DHRSX: variants seen among roughly 807,000 people sequenced by gnomAD.
The protein encoded by DHRSX is polyprenol dehydrogenase.
In DHRSX, 31 loss-of-function variants were observed where a neutral mutation model predicts 34.0. The observed-to-expected ratio is 0.91, with a 90% confidence interval of 0.69 to 1.23. The LOEUF (loss-of-function observed/expected upper bound fraction) is 1.23. Ranked by LOEUF, DHRSX falls within the 50% of genes most tolerant of loss-of-function variation. DHRSX has a pLI of 0.00. For missense variants in DHRSX, 414 were observed against 428.1 expected (o/e 0.97, Z 0.29); for synonymous variants, 201 against 183.8 (o/e 1.09, Z -0.76).
chrX:2,368,839 G>A (rs1349608434), intron 3 of DHRSX, among the ~76,000 whole-genome samples: 5 of 152,134 alleles, frequency 3.3e-5, no homozygotes, highest in Non-Finnish European at 5.9e-5. Context: ...AACAGAACAA[G>A]ACTCTGTCTC....
intron 1 of DHRSX, among the ~76,000 whole-genome samples, chrX:2,442,547 G>A (rs893972151): frequency 2.7e-4 from 41 of 151,960 alleles, no homozygotes; most frequent in African/African-American, 8.4e-4. Flanking sequence ...GGCCATCAGC[G>A]TCACGCCTAG....
intron 3 of DHRSX, chrX:2,334,720 G>A (rs1399399082): frequency 6.6e-6 from 1 of 152,156 alleles, no homozygotes; most frequent in African/African-American, 2.4e-5. Flanking sequence ...AAAGCATTGC[G>A]ATTATGGGTG....
At chrX:2,288,757 G>A (rs774093846) in intron 4 of DHRSX, among the ~76,000 whole-genome samples, 3 of 152,314 alleles carry the variant, frequency 2.0e-5, no homozygotes, top group South Asian at 4.1e-4. Context: ...CCCAATATGT[G>A]CATGAGATTT....
intron 2 of DHRSX, among the ~76,000 whole-genome samples, chrX:2,420,878 C>T (rs972683823): frequency 6.6e-6 from 1 of 152,142 alleles, no homozygotes; most frequent in African/African-American, 2.4e-5. Context: ...CGAAGCTCAA[C>T]AAGTCATTAA....
intron 1 of DHRSX, among the ~76,000 whole-genome samples, chrX:2,476,818 A>G (rs1281410806): frequency 6.6e-6 from 1 of 152,108 alleles, no homozygotes; most frequent in Non-Finnish European, 1.5e-5. Context: ...AGCCTGGCCA[A>G]CATGGAAAAA....
At chrX:2,349,784 G>A (rs1297496969) in intron 3 of DHRSX, among the ~76,000 whole-genome samples, 3 of 152,052 alleles carry the variant, frequency 2.0e-5, no homozygotes, top group African/African-American at 4.8e-5. Flanking sequence ...GCTCACGCCT[G>A]TAATTCCAGC....
intron 1 of DHRSX, chrX:2,490,854 C>G: frequency 2.3e-6 from 3 of 1,289,618 alleles, no homozygotes; most frequent in Non-Finnish European, 3.2e-6. Flanking sequence ...GACAGGGTGC[C>G]GGGGCAGCTC....
chrX:2,221,272 G>T, intron 6 of DHRSX, 43 bp from the exon 7 acceptor site: 1 of 1,591,664 alleles, frequency 6.3e-7, no homozygotes, highest in Non-Finnish European at 8.6e-7. Context: ...TCAAATTTCT[G>T]AGCAGGAAAC....
chrX:2,257,781 G>A (rs1417959678), intron 5 of DHRSX, among the ~76,000 whole-genome samples: 1 of 151,968 alleles, frequency 6.6e-6, no homozygotes, highest in Non-Finnish European at 1.5e-5. Context: ...ACCTGCCATG[G>A]CGCTTGGCTA....
intron 3 of DHRSX, among the ~76,000 whole-genome samples, chrX:2,315,093 G>C (rs1019351416): frequency 9.9e-5 from 15 of 152,164 alleles, no homozygotes; most frequent in South Asian, 2.1e-4. Context: ...GGGAGGTGGA[G>C]GTTGCGGTGA....
intron 3 of DHRSX, among the ~76,000 whole-genome samples, chrX:2,401,991 G>A (rs1465241151): frequency 6.6e-6 from 1 of 152,154 alleles, no homozygotes; most frequent in Admixed American, 6.5e-5. Context: ...TCTCAGAGGA[G>A]CACGACTTCA....
At chrX:2,428,125 A>T (rs1423949049) in intron 1 of DHRSX, among the ~76,000 whole-genome samples, 1 of 152,178 alleles carries the variant, frequency 6.6e-6, no homozygotes, top group East Asian at 1.9e-4. Flanking sequence ...GTGGGATGGG[A>T]TGAGGGATGA....
At chrX:2,383,911 C>G (rs2043242122) in intron 3 of DHRSX, among the ~76,000 whole-genome samples, 1 of 152,324 alleles carries the variant, frequency 6.6e-6, no homozygotes, top group Non-Finnish European at 1.5e-5. Context: ...TGCACAGCTA[C>G]AGCAAACAGG....
intron 3 of DHRSX, among the ~76,000 whole-genome samples, chrX:2,301,648 T>C (rs375443495): frequency 6.6e-5 from 10 of 152,098 alleles, no homozygotes; most frequent in African/African-American, 1.9e-4. Context: ...TTCTTTGTTG[T>C]TGTTGTTTGA....
At chrX:2,402,254 A>G (rs1322887221) in intron 3 of DHRSX, among the ~76,000 whole-genome samples, 1 of 152,252 alleles carries the variant, frequency 6.6e-6, no homozygotes, top group African/African-American at 2.4e-5. Context: ...AGCAAGAACG[A>G]AACAGCACAT....
At chrX:2,274,502 C>T (rs1456682582) in intron 4 of DHRSX, among the ~76,000 whole-genome samples, 25 of 151,274 alleles carry the variant, frequency 1.7e-4, no homozygotes, top group African/African-American at 5.6e-4. Context: ...CTGCAACCTC[C>T]GCCTCCCGGG....
At chrX:2,447,404 T>A (rs1278053447) in intron 1 of DHRSX, among the ~76,000 whole-genome samples, 2 of 152,094 alleles carry the variant, frequency 1.3e-5, no homozygotes, top group Non-Finnish European at 2.9e-5. Context: ...ACTGAAGATG[T>A]TTCCAAAGAA....
At chrX:2,362,878 G>GGT (rs1357423032) in intron 3 of DHRSX, among the ~76,000 whole-genome samples, 4 of 118,264 alleles carry the variant, frequency 3.4e-5, no homozygotes, top group East Asian at 2.3e-4. Flanking sequence ...ACCGTTCTAT[G>GGT]ATATCATGCC....
At chrX:2,323,947 C>G (rs1484790740) in intron 3 of DHRSX, among the ~76,000 whole-genome samples, 2 of 151,208 alleles carry the variant, frequency 1.3e-5, no homozygotes, top group Non-Finnish European at 1.5e-5. Flanking sequence ...ATCCCAGCTA[C>G]TTGGGAGGCT....
Sources: allele counts gnomAD v4.1 joint callset (sites outside exome capture counted in the v4.1 genomes callset), GRCh38; gene constraint gnomAD v4.1.1; transcripts MANE v1.5; gene names NCBI Gene and HGNC (gene_info 2026-07-23, HGNC 2026-07-21).